Variants in NFILZ observed in about 807,000 individuals in gnomAD.
The protein encoded by NFILZ is NFIL3 like protein.
Position 8,656,495 on chromosome 19 carries a change from C to CT in NFILZ, c.-163-18056_-163-18055insT, listed in dbSNP as rs1171486642. ...CACCTTCTCCCGCAGCCCACCTTCT[C>CT]CCGCAGCCCACCTTCTCCTGCAGCC... On this transcript the variant is annotated intron_variant, in intron 3 of 5. Transcript: ENST00000691075. Among the ~76,000 whole-genome samples the CT allele has an allele frequency of 2.3e-3, 238 of 104,118 alleles. 3 individuals are homozygous for CT. Among genetic ancestry groups the CT allele is most frequent in the African/African-American group, 6.6e-3 (166 of 25,082 alleles). The allele number at this position is 104,118 out of a possible 152,430, so 68.3% of individuals were successfully genotyped here.
intron 3 of NFILZ, among the ~76,000 whole-genome samples, chr19:8,653,501 C>T (rs566506037): frequency 3.9e-5 from 6 of 152,158 alleles, no homozygotes; most frequent in East Asian, 1.9e-4. Context: ...GAACGCTGCT[C>T]GAAATAAATG....
Position 8,657,434 on chromosome 19 carries a change from G to A in NFILZ, c.-163-17117G>A, listed in dbSNP as rs551307457. On this transcript the variant is annotated intron_variant, in intron 3 of 5. Transcript: ENST00000691075. ...TGCTTTTGTCTGCAGGGGGTCGTTG[G>A]GGACTCTGGCTGCTGCAGGGTCCTG... Among the ~76,000 whole-genome samples the A allele has an allele frequency of 1.2e-4, 18 of 152,194 alleles. No homozygotes were observed. In the South Asian group the frequency reaches 1.7e-3, roughly 14 times the overall value.
chr19:8,647,965 G>A (rs1397010693), intron 3 of NFILZ, among the ~76,000 whole-genome samples: 1 of 151,884 alleles, frequency 6.6e-6, no homozygotes, highest in African/African-American at 2.4e-5. Context: ...GAGATCAGGA[G>A]ATCAAGACCA....
At chr19:8,636,849 C>A (rs1276429663) in intron 3 of NFILZ, among the ~76,000 whole-genome samples, 2 of 152,098 alleles carry the variant, frequency 1.3e-5, no homozygotes, top group African/African-American at 4.8e-5. Flanking sequence ...ACCTTGGCCT[C>A]CCAAAGTTTT....
intron 3 of NFILZ, among the ~76,000 whole-genome samples, chr19:8,647,784 C>CACAT (rs880003000): frequency 5.7e-5 from 5 of 87,978 alleles, no homozygotes; most frequent in African/African-American, 4.9e-5. Context: ...CACATGCGCG[C>CACAT]GCGCGCGCGC....
At chr19:8,647,323 G>A (rs2042943071) in intron 3 of NFILZ, among the ~76,000 whole-genome samples, 1 of 152,184 alleles carries the variant, frequency 6.6e-6, no homozygotes, top group Admixed American at 6.5e-5. Context: ...TGTAATCCCA[G>A]CACTTTGTGA....
Position 8,680,000 on chromosome 19 carries a change from A to G in NFILZ, c.*2365A>G, listed in dbSNP as rs934272891. ...CACTTGAGGTCAGGAGTTCGAGACC[A>G]GCCTGGCCAACATGATGAAGCCCCG... is the stretch of plus-strand genomic sequence containing the variant. On this transcript the variant is annotated 3_prime_UTR_variant, in exon 6 of 6. Coordinates refer to ENST00000691075, the MANE Select transcript of NFILZ (RefSeq NM_001378600.1). Among the ~76,000 whole-genome samples the G allele has an allele frequency of 2.0e-5, 3 of 152,058 alleles. No individual in the cohort carries two copies. Among genetic ancestry groups the G allele is most frequent in the African/African-American group, 7.2e-5 (3 of 41,404 alleles).
intron 1 of NFILZ, among the ~76,000 whole-genome samples, chr19:8,631,208 C>CTAAG (rs2042867970): frequency 6.6e-6 from 1 of 152,140 alleles, no homozygotes; most frequent in Non-Finnish European, 1.5e-5. Flanking sequence ...GGACTTCTGG[C>CTAAG]TAAGCATCAA....
intron 3 of NFILZ, among the ~76,000 whole-genome samples, chr19:8,645,403 G>C (rs929535297): frequency 1.3e-5 from 2 of 151,462 alleles, no homozygotes; most frequent in African/African-American, 4.9e-5. Flanking sequence ...GCCTCCCAAA[G>C]TGCTGGGATT....
At chr19:8,652,894 T>C (rs201173294) in intron 3 of NFILZ, among the ~76,000 whole-genome samples, 2 of 150,712 alleles carry the variant, frequency 1.3e-5, no homozygotes, top group Non-Finnish European at 3.0e-5. Context: ...TTCCTTCCTT[T>C]CTTTCCCTCC....
intron 1 of NFILZ, among the ~76,000 whole-genome samples, chr19:8,631,863 T>C (rs918052629): frequency 2.0e-5 from 3 of 150,992 alleles, no homozygotes. Context: ...TGTGTGTGTG[T>C]GTGTTTTGTT....
At chr19:8,646,771 C>A (rs552366865) in intron 3 of NFILZ, among the ~76,000 whole-genome samples, 2 of 152,292 alleles carry the variant, frequency 1.3e-5, no homozygotes, top group East Asian at 3.9e-4. Context: ...GGACCTTTGT[C>A]TGTGCTGTTC....
At chr19:8,676,725 T>G (rs2043111628) in intron 5 of NFILZ, 26 bp from the exon 6 acceptor site, 1 of 152,392 alleles carries the variant, frequency 6.6e-6, no homozygotes, top group Non-Finnish European at 1.5e-5. Context: ...TTGCCATTAC[T>G]CCAAGAACTC....
intron 3 of NFILZ, among the ~76,000 whole-genome samples, chr19:8,668,702 G>A (rs781971776): frequency 2.6e-5 from 4 of 152,272 alleles, no homozygotes; most frequent in East Asian, 3.9e-4. Context: ...ACTTCCATGC[G>A]TGGGAGACTT....
chr19:8,672,413 ATGAG>A (rs1251501448), intron 3 of NFILZ, among the ~76,000 whole-genome samples: 1 of 152,160 alleles, frequency 6.6e-6, no homozygotes, highest in Non-Finnish European at 1.5e-5. Flanking sequence ...TCATGCATTT[ATGAG>A]TTAATTCAAA....
chr19:8,631,331 T>C (rs1354982070), intron 1 of NFILZ, among the ~76,000 whole-genome samples: 7 of 152,068 alleles, frequency 4.6e-5, no homozygotes, highest in African/African-American at 1.7e-4. Context: ...TTGCAAATTC[T>C]AGGCAGGCCA....
At chr19:8,640,569 G>A (rs2042915043) in intron 3 of NFILZ, among the ~76,000 whole-genome samples, 1 of 152,026 alleles carries the variant, frequency 6.6e-6, no homozygotes, top group Non-Finnish European at 1.5e-5. Context: ...TCCCGGGTGG[G>A]TAAGAGCTGG....
In NFILZ at chr19:8,677,278, C is replaced by A. The variant is rs529696760; in HGVS notation, c.513C>A (p.Pro171=). Among the ~76,000 whole-genome samples the A allele has an allele frequency of 6.6e-6, 1 of 152,242 alleles. No homozygotes were observed. Among genetic ancestry groups the A allele is most frequent in the Admixed American group, 6.5e-5 (1 of 15,286 alleles). The change falls in exon 6 of 6, where the codon CCC becomes CCA. Residue 171 remains proline (P), a synonymous_variant. Coordinates refer to ENST00000691075, the MANE Select transcript of NFILZ (RefSeq NM_001378600.1). ...GCTTGGCCACTTCTCCTAGGTCCCC[C>A]CAAGAGTCTGCATCTCCTACCCTCA... The part of the protein sequence containing the change: ...WTGLATSPRS[P]QESASPTLNR...
chr19:8,673,609 G>A (rs1276837743), intron 3 of NFILZ, among the ~76,000 whole-genome samples: 3 of 152,162 alleles, frequency 2.0e-5, no homozygotes, highest in Non-Finnish European at 4.4e-5. Context: ...TCTCAGAGGG[G>A]GTCCCAGGTA....
Sources: allele counts gnomAD v4.1 joint callset (sites outside exome capture counted in the v4.1 genomes callset), GRCh38; gene constraint gnomAD v4.1.1; transcripts MANE v1.5; gene names NCBI Gene and HGNC (gene_info 2026-07-23, HGNC 2026-07-21).